Variants in MGAT4C observed in about 807,000 individuals in gnomAD.
The protein encoded by MGAT4C is alpha-1,3-mannosyl-glycoprotein 4-beta-N-acetylglucosaminyltransferase C.
MGAT4C carries 19 observed loss-of-function variants against 40.1 expected under a neutral mutation model. That is an observed-to-expected ratio of 0.47 (90% confidence interval 0.33 to 0.70). The LOEUF (loss-of-function observed/expected upper bound fraction) is 0.70. MGAT4C is among the 30% of genes least tolerant of loss of function. MGAT4C has a pLI of 0.02. For missense variants in MGAT4C, 491 were observed against 563.2 expected (o/e 0.87, Z 1.30); for synonymous variants, 181 against 187.1 (o/e 0.97, Z 0.27).
intron 1 of MGAT4C, among the ~76,000 whole-genome samples, chr12:86,087,431 C>T (rs1469070826): frequency 6.6e-6 from 1 of 151,844 alleles, no homozygotes; most frequent in Non-Finnish European, 1.5e-5. Flanking sequence ...TTTACAATTC[C>T]ACCATATAGT....
At chr12:86,755,359 C>T (rs529042222) in intron 1 of MGAT4C, among the ~76,000 whole-genome samples, 1 of 152,206 alleles carries the variant, frequency 6.6e-6, no homozygotes, top group South Asian at 2.1e-4. Flanking sequence ...CATTTCTATA[C>T]ATCTGTATTA....
At chr12:86,224,618 G>T (rs1384988766) in intron 1 of MGAT4C, among the ~76,000 whole-genome samples, 3 of 152,076 alleles carry the variant, frequency 2.0e-5, no homozygotes, top group African/African-American at 7.2e-5. Flanking sequence ...AGACCACAGT[G>T]GAGTAAAACT....
intron 1 of MGAT4C, among the ~76,000 whole-genome samples, chr12:86,177,562 A>G (rs867226180): frequency 6.6e-6 from 1 of 152,268 alleles, no homozygotes; most frequent in South Asian, 2.1e-4. Context: ...AACTTTTTAT[A>G]CATATAGAAA....
At chr12:86,700,623 C>T (rs1172515114) in intron 2 of MGAT4C, among the ~76,000 whole-genome samples, 1 of 152,070 alleles carries the variant, frequency 6.6e-6, no homozygotes, top group Non-Finnish European at 1.5e-5. Context: ...AGAGTTACAT[C>T]TATATCTACT....
chr12:86,170,712 G>A (rs1307172744), intron 1 of MGAT4C, among the ~76,000 whole-genome samples: 2 of 152,056 alleles, frequency 1.3e-5, no homozygotes, highest in African/African-American at 4.8e-5. Flanking sequence ...CAGCACTTTG[G>A]GAGGCCGAGG....
At chr12:86,058,974 C>T (rs1156894148) in intron 1 of MGAT4C, among the ~76,000 whole-genome samples, 1 of 152,106 alleles carries the variant, frequency 6.6e-6, no homozygotes, top group East Asian at 1.9e-4. Context: ...TTTACACCAA[C>T]ATCTTATTCA....
intron 2 of MGAT4C, among the ~76,000 whole-genome samples, chr12:86,641,837 A>G (rs990779587): frequency 2.0e-5 from 3 of 151,910 alleles, no homozygotes; most frequent in African/African-American, 7.2e-5. Flanking sequence ...GTATTTAACT[A>G]AAGATATATC....
chr12:86,189,831 G>C (rs954791441), intron 1 of MGAT4C, among the ~76,000 whole-genome samples: 3 of 151,928 alleles, frequency 2.0e-5, no homozygotes, highest in African/African-American at 7.2e-5. Context: ...TCCCTCCAAA[G>C]TCATTATTTG....
intron 2 of MGAT4C, among the ~76,000 whole-genome samples, chr12:86,024,754 T>C (rs1890098098): frequency 1.3e-5 from 2 of 151,810 alleles, no homozygotes; most frequent in Non-Finnish European, 3.0e-5. Context: ...AAGCAGTCAT[T>C]TCCATAGTCA....
intron 1 of MGAT4C, among the ~76,000 whole-genome samples, chr12:86,746,253 A>T (rs1951149829): frequency 6.6e-6 from 1 of 151,578 alleles, no homozygotes; most frequent in Non-Finnish European, 1.5e-5. Context: ...TTAAAGCAGA[A>T]ATTTTGTTGT....
intron 1 of MGAT4C, among the ~76,000 whole-genome samples, chr12:86,237,661 G>T (rs1464457672): frequency 6.6e-6 from 1 of 151,828 alleles, no homozygotes; most frequent in African/African-American, 2.4e-5. Context: ...AATATTAGGA[G>T]ATAAATTTGT....
intron 1 of MGAT4C, among the ~76,000 whole-genome samples, chr12:86,783,028 C>G (rs1951870731): frequency 6.6e-6 from 1 of 152,084 alleles, no homozygotes; most frequent in Non-Finnish European, 1.5e-5. Context: ...TTATGTCCTC[C>G]TAAATTATCT....
intron 1 of MGAT4C, among the ~76,000 whole-genome samples, chr12:86,802,243 T>C (rs1474567818): frequency 4.6e-5 from 7 of 151,964 alleles, no homozygotes; most frequent in Non-Finnish European, 1.0e-4. Context: ...AAATGGGATA[T>C]CTGCAGATTT....
chr12:86,237,076 G>C (rs1336090879), intron 1 of MGAT4C, among the ~76,000 whole-genome samples: 1 of 151,116 alleles, frequency 6.6e-6, no homozygotes, highest in Non-Finnish European at 1.5e-5. Flanking sequence ...GGGGGAGAGA[G>C]AGAGAAGCAA....
At chr12:86,744,029 G>A (rs1951114600) in intron 1 of MGAT4C, among the ~76,000 whole-genome samples, 1 of 151,582 alleles carries the variant, frequency 6.6e-6, no homozygotes, top group East Asian at 1.9e-4. Context: ...ACCCTGAGCT[G>A]AGCAACAGCA....
rs796858454 is a variant in MGAT4C, at chr12:86,223,201, C to T, written c.-57+33038G>A. ...CATGAACAAATCCCAGCATTGCTGC[C>T]GAGGGTTGTTGAGGAACCAAGACAT... On this transcript the variant is annotated intron_variant, in intron 1 of 4. Coordinates refer to ENST00000611864, the MANE Select transcript of MGAT4C (RefSeq NM_001351288.2). 2.5e-4 allele frequency among the ~76,000 whole-genome samples: 38 copies of T among 152,266 alleles called. 1 individual carries two copies. Among genetic ancestry groups the T allele is most frequent in the East Asian group, 1.7e-3 (9 of 5,172 alleles).
chr12:86,482,779 T>C (rs1487219292), intron 2 of MGAT4C, among the ~76,000 whole-genome samples: 1 of 152,198 alleles, frequency 6.6e-6, no homozygotes, highest in Non-Finnish European at 1.5e-5. Flanking sequence ...TAGTCATATA[T>C]GATACAACGC....
chr12:86,601,886 A>C (rs1363354401), intron 2 of MGAT4C, among the ~76,000 whole-genome samples: 1 of 152,186 alleles, frequency 6.6e-6, no homozygotes, highest in African/African-American at 2.4e-5. Context: ...CCATGCCTTC[A>C]GGCTCTCTGA....
At chr12:86,812,009 A>G (rs186054152) in intron 1 of MGAT4C, among the ~76,000 whole-genome samples, 3 of 152,356 alleles carry the variant, frequency 2.0e-5, no homozygotes, top group Admixed American at 6.5e-5. Flanking sequence ...TGTATGCTCC[A>G]TATGTATTTT....
Sources: allele counts gnomAD v4.1 joint callset (sites outside exome capture counted in the v4.1 genomes callset), GRCh38; gene constraint gnomAD v4.1.1; transcripts MANE v1.5; gene names NCBI Gene and HGNC (gene_info 2026-07-23, HGNC 2026-07-21).